DNAH9: variants seen among roughly 807,000 people sequenced by gnomAD.
DNAH9 encodes DNAH9 variant protein.
Under a neutral mutation model 471.6 loss-of-function variants are expected in DNAH9, and 345 were observed. That is an observed-to-expected ratio of 0.73 (90% CI 0.67 to 0.80). The LOEUF (loss-of-function observed/expected upper bound fraction) is 0.80, where lower values mean the gene tolerates loss of function less well. Ranked by LOEUF, DNAH9 falls within the 30% of genes least tolerant of loss-of-function variation. The pLI is 0.00. For missense variants in DNAH9, 5,407 were observed against 5,609.2 expected, an observed-to-expected ratio of 0.96 and a Z score of 1.15; for synonymous variants, 2,093 against 2,123.6, an observed-to-expected ratio of 0.99 and a Z score of 0.40.
intron 20 of DNAH9, among the ~76,000 whole-genome samples, chr17:11,693,286 CCAGGCTGGAGTA>C (rs1294696875): frequency 3.9e-5 from 5 of 129,560 alleles, no homozygotes; most frequent in Non-Finnish European, 7.8e-5. Context: ...CCTCTGTCGT[CCAGGCTGGAGTA>C]CAGTGGCACG....
At chr17:11,893,838 C>T (rs1020576350) in intron 58 of DNAH9, among the ~76,000 whole-genome samples, 3 of 152,150 alleles carry the variant, frequency 2.0e-5, no homozygotes, top group African/African-American at 7.2e-5. Flanking sequence ...TGTAACAAAC[C>T]TGCACGTTCT....
At chr17:11,753,082 T>C in intron 33 of DNAH9, 122 bp downstream of exon 33, 1 of 770,372 alleles carries the variant, frequency 1.3e-6, no homozygotes, top group East Asian at 2.8e-5. Flanking sequence ...TAAGGAACTA[T>C]CATCAGCATC....
chr17:11,599,478 C>A (rs913256195), intron 1 of DNAH9, among the ~76,000 whole-genome samples: 2 of 152,144 alleles, frequency 1.3e-5, no homozygotes, highest in Non-Finnish European at 2.9e-5. Flanking sequence ...CTCATTCATT[C>A]ATTACCAACC....
intron 59 of DNAH9, among the ~76,000 whole-genome samples, chr17:11,898,316 T>C (rs1414968358): frequency 6.6e-6 from 1 of 152,088 alleles, no homozygotes; most frequent in Non-Finnish European, 1.5e-5. Flanking sequence ...GTAGAGATAG[T>C]TTCACCATGT....
chr17:11,932,822 G>A lies in DNAH9; in HGVS notation c.12297+617G>A, dbSNP rs573194879. On this transcript the variant is annotated intron_variant, in intron 64 of 68. Transcript: ENST00000262442. The surrounding 1 kb of genome is among the most constrained non-coding windows in gnomAD (Gnocchi z 4.3). The stretch of plus-strand genomic sequence containing the variant: ...ATACCTATGTCTTCACAGCATGGCA[G>A]GTAGACTGTGATCAGCAGGAAGAGA... Among the ~76,000 whole-genome samples the A allele has an allele frequency of 1.8e-5, 2 of 110,406 alleles. No individual in the cohort carries two copies. Among genetic ancestry groups the A allele is most frequent in the East Asian group, 4.9e-4 (2 of 4,054 alleles). The allele number at this position is 110,406 out of a possible 152,430, so 72.4% of individuals were successfully genotyped here.
intron 43 of DNAH9, among the ~76,000 whole-genome samples, chr17:11,802,831 A>G (rs1969518429): frequency 6.6e-6 from 1 of 152,058 alleles, no homozygotes; most frequent in South Asian, 2.1e-4. Context: ...AGAGTCCCCT[A>G]CACCCTTCCC....
intron 48 of DNAH9, among the ~76,000 whole-genome samples, chr17:11,834,006 GA>G (rs1330675037): frequency 1.3e-5 from 2 of 152,180 alleles, no homozygotes; most frequent in African/African-American, 4.8e-5. Flanking sequence ...ATGTCAGTGA[GA>G]AGCAGCCTAA....
chr17:11,716,176 C>A (rs1370289846), intron 26 of DNAH9, among the ~76,000 whole-genome samples: 1 of 151,276 alleles, frequency 6.6e-6, no homozygotes. Context: ...CTCTGCCTCC[C>A]GGGTTTAAGC....
At chr17:11,668,681 A>T (rs938946410) in intron 15 of DNAH9, among the ~76,000 whole-genome samples, 12 of 151,782 alleles carry the variant, frequency 7.9e-5, no homozygotes, top group Non-Finnish European at 1.3e-4. Flanking sequence ...AAAAAAAAAA[A>T]AAAAACAATC....
intron 65 of DNAH9, among the ~76,000 whole-genome samples, chr17:11,935,669 C>T (rs911139267): frequency 3.9e-5 from 6 of 152,072 alleles, no homozygotes; most frequent in Non-Finnish European, 8.8e-5. Flanking sequence ...CCACCGCGCC[C>T]GGCCCGAAAG....
intron 24 of DNAH9, among the ~76,000 whole-genome samples, chr17:11,703,354 T>C (rs554847670): frequency 1.3e-5 from 2 of 152,306 alleles, no homozygotes; most frequent in East Asian, 3.9e-4. Context: ...TTTACTACGA[T>C]GAGATTCTCC....
chr17:11,648,123 A>G (rs1352540067), intron 12 of DNAH9, among the ~76,000 whole-genome samples: 1 of 152,226 alleles, frequency 6.6e-6, no homozygotes, highest in Non-Finnish European at 1.5e-5. Flanking sequence ...ACTCAGGTTG[A>G]AAAAAACTGT....
chr17:11,952,309 CTTTTT>C (rs753276964), intron 67 of DNAH9, among the ~76,000 whole-genome samples: 8 of 71,086 alleles, frequency 1.1e-4, no homozygotes, highest in South Asian at 5.6e-4. Flanking sequence ...CCAGCTAATT[CTTTTT>C]TTTTTTTTTT....
At chr17:11,783,556 A>G (rs1968745880) in intron 39 of DNAH9, 90 bp from the exon 40 acceptor site, 1 of 886,130 alleles carries the variant, frequency 1.1e-6, no homozygotes, top group Non-Finnish European at 1.8e-6. Context: ...AAACACATGA[A>G]CAGTAGGGCA....
chr17:11,785,648 G>C (rs1469971693), intron 41 of DNAH9, among the ~76,000 whole-genome samples: 2 of 152,172 alleles, frequency 1.3e-5, no homozygotes, highest in Non-Finnish European at 1.5e-5. Flanking sequence ...ATCCAGGCTA[G>C]TTCAGGATAC....
At chr17:11,629,696 G>A (rs2073031982) in intron 7 of DNAH9, 112 bp downstream of exon 7, 1 of 926,986 alleles carries the variant, frequency 1.1e-6, no homozygotes, top group Non-Finnish European at 1.6e-6. Flanking sequence ...TTGGCTCTGT[G>A]GTCCCAGTGG....
chr17:11,928,737 CAG>C (rs1023422086), intron 62 of DNAH9, among the ~76,000 whole-genome samples: 4 of 152,180 alleles, frequency 2.6e-5, no homozygotes, highest in African/African-American at 7.2e-5. Context: ...CAACAATTAA[CAG>C]AGTGGTTTGG....
At chr17:11,741,979 A>G (rs965557134) in intron 29 of DNAH9, among the ~76,000 whole-genome samples, 196 bp from the exon 30 acceptor site, 1 of 152,200 alleles carries the variant, frequency 6.6e-6, no homozygotes, top group Admixed American at 6.5e-5. Flanking sequence ...CTAAGTTGAA[A>G]GTCTTCATGC....
intron 45 of DNAH9, among the ~76,000 whole-genome samples, chr17:11,819,201 A>T (rs914761223): frequency 2.0e-5 from 3 of 152,130 alleles, no homozygotes; most frequent in African/African-American, 7.2e-5. Context: ...CTTGCGAAAC[A>T]ATTTGGACAA....
Sources: gnomAD v4.1 joint callset for allele counts (sites outside exome capture counted in the v4.1 genomes callset) on GRCh38, gnomAD v4.1.1 for gene constraint, Gnocchi (gnomAD v3.1) non-coding constraint, MANE v1.5 for transcripts, NCBI Gene and HGNC (gene_info 2026-07-23, HGNC 2026-07-21) for gene names.